The following GATB variants were observed in gnomAD, a reference collection of about 807,000 sequenced individuals.
GATB encodes the protein glutamyl-tRNA amidotransferase subunit B, also known as glutamyl-tRNA(Gln) amidotransferase subunit B, mitochondrial.
GATB carries 39 observed loss-of-function variants against 62.3 expected under a neutral mutation model. The ratio of observed to expected loss-of-function variants is 0.63; its 90% confidence interval spans 0.48 to 0.82. GATB has a LOEUF of 0.82. GATB is among the 40% of genes least tolerant of loss of function. The pLI is 0.00. For missense variants in GATB, 670 were observed against 684.0 expected (o/e 0.98, Z 0.23); for synonymous variants, 276 against 258.9 (o/e 1.07, Z -0.63).
chr4:151,760,966 A>C lies in GATB; in HGVS notation c.17T>G (p.Leu6Arg). Residue 6 changes from leucine (L) to arginine (R), a missense_variant, in exon 1 of 13, where the codon CTG becomes CGG. Coordinates refer to ENST00000263985, the MANE Select transcript of GATB (RefSeq NM_004564.3). The stretch of plus-strand genomic sequence containing the variant: ...ACGTCTTCCACGGCAGCCCCAGCGC[A>C]GCATGGGCGCCGCCATTGTAACTCC... Reference protein sequence around the residue: MAAPMLRWGCRGRRWA... With the variant: MAAPMRRWGCRGRRWA... 6.2e-7 allele frequency: 1 copy of C among 1,611,436 alleles called. No individual in the cohort carries two copies. The highest frequency in any genetic ancestry group is 1.1e-5 in the South Asian group (1 of 90,684).
intron 8 of GATB, among the ~76,000 whole-genome samples, chr4:151,702,510 A>G (rs1361682544): frequency 6.6e-6 from 1 of 152,162 alleles, no homozygotes; most frequent in African/African-American, 2.4e-5. Context: ...CTAGCCAATA[A>G]GGAAGTGTGA....
At chr4:151,739,858 A>G (rs1480729753) in intron 2 of GATB, among the ~76,000 whole-genome samples, 2 of 152,202 alleles carry the variant, frequency 1.3e-5, no homozygotes, top group African/African-American at 4.8e-5. Flanking sequence ...ATAGAAGCTT[A>G]TAGTATAAAT....
intron 10 of GATB, among the ~76,000 whole-genome samples, chr4:151,685,037 C>A (rs970753625): frequency 6.6e-6 from 1 of 152,190 alleles, no homozygotes; most frequent in South Asian, 2.1e-4. Context: ...CTAGGGCCTC[C>A]GTCACCTCGT....
intron 2 of GATB, among the ~76,000 whole-genome samples, chr4:151,731,736 G>C (rs1739256806): frequency 6.6e-6 from 1 of 151,614 alleles, no homozygotes; most frequent in Non-Finnish European, 1.5e-5. Flanking sequence ...TGCCCCGTCT[G>C]GGATGTGAGG....
chr4:151,671,000 G>T lies in GATB; in HGVS notation c.*174C>A. The T allele has an allele frequency of 1.4e-6, 1 of 738,200 alleles. No homozygotes were observed. Among genetic ancestry groups the T allele is most frequent in the Non-Finnish European group, 2.2e-6 (1 of 457,678 alleles). The allele number at this position is 738,200 out of a possible 1,614,324, so 45.7% of individuals were successfully genotyped here. ...CTGGTCGGCTGTGGAGGCACCTCCA[G>T]GCACAGGGCCTAGAGGGTGAGAACA... On this transcript the variant is annotated 3_prime_UTR_variant, in exon 13 of 13. Transcript: ENST00000263985.
intron 9 of GATB, among the ~76,000 whole-genome samples, chr4:151,693,498 C>T (rs1738409026): frequency 6.9e-6 from 1 of 144,926 alleles, no homozygotes; most frequent in Admixed American, 6.7e-5. Context: ...GCACAGGAAA[C>T]ACGACCCCCC....
chr4:151,704,760 T>C (rs1161244202), intron 7 of GATB, among the ~76,000 whole-genome samples: 3 of 147,156 alleles, frequency 2.0e-5, no homozygotes, highest in Non-Finnish European at 3.0e-5. Context: ...GCCTTCTTTT[T>C]TGTTTTTGAG....
intron 5 of GATB, among the ~76,000 whole-genome samples, chr4:151,712,062 C>T (rs1279708031): frequency 2.0e-5 from 3 of 152,184 alleles, no homozygotes; most frequent in African/African-American, 7.2e-5. Context: ...TTGGACCTCG[C>T]CTGCTTTTAA....
At chr4:151,744,533 T>C (rs1415561405) in intron 2 of GATB, among the ~76,000 whole-genome samples, 1 of 152,120 alleles carries the variant, frequency 6.6e-6, no homozygotes, top group African/African-American at 2.4e-5. Flanking sequence ...GAGGACTCCT[T>C]GAACCCAGGA....
At chr4:151,717,707 C>T (rs1444664522) in intron 3 of GATB, among the ~76,000 whole-genome samples, 1 of 152,172 alleles carries the variant, frequency 6.6e-6, no homozygotes, top group Non-Finnish European at 1.5e-5. Flanking sequence ...CTGCAAGGAT[C>T]CCTCACCTGC....
chr4:151,674,444 C>A (rs1157439949), intron 11 of GATB: 1 of 152,146 alleles, frequency 6.6e-6, no homozygotes, highest in Non-Finnish European at 1.5e-5. Flanking sequence ...TTTTAAAAAT[C>A]ATTTTCTAAT....
intron 9 of GATB, among the ~76,000 whole-genome samples, chr4:151,696,195 C>G (rs1000722793): frequency 6.6e-6 from 1 of 152,144 alleles, no homozygotes; most frequent in African/African-American, 2.4e-5. Context: ...TATTTTTTCA[C>G]TTGGAAAATA....
chr4:151,701,401 C>A lies in GATB; in HGVS notation c.1125G>T (p.Glu375Asp). ...NIDQIRETLP[E>D]LPSVTREKLV... is the part of the protein sequence containing the mutation. ...GCTTCTCTCGGGTCACACTGGGGAGCTCCGGGAGTGTCTCCCGAATCTGGT... is the reference window on the plus strand; with the variant it reads ...GCTTCTCTCGGGTCACACTGGGGAGATCCGGGAGTGTCTCCCGAATCTGGT... The change falls in exon 9 of 13, where the codon GAG becomes GAT. Residue 375 changes from glutamate to aspartate, a missense_variant. Coordinates refer to ENST00000263985, the MANE Select transcript of GATB (RefSeq NM_004564.3). 6.2e-7 allele frequency: 1 copy of A among 1,604,826 alleles called. No homozygotes were observed. The highest frequency in any genetic ancestry group is 8.5e-7 in the Non-Finnish European group (1 of 1,175,514).
At chr4:151,720,410 G>C (rs923103120) in intron 2 of GATB, 2 of 152,194 alleles carry the variant, frequency 1.3e-5, no homozygotes, top group African/African-American at 4.8e-5. Flanking sequence ...CTACTTTGCA[G>C]AACAGATAAA....
chr4:151,713,200 TC>T (rs897274381), intron 5 of GATB, among the ~76,000 whole-genome samples: 1 of 151,970 alleles, frequency 6.6e-6, no homozygotes, highest in Non-Finnish European at 1.5e-5. Context: ...AGCTGAGGGC[TC>T]CCAGTGATTC....
intron 6 of GATB, 25 bp downstream of exon 6, chr4:151,707,963 A>C: frequency 7.1e-7 from 1 of 1,414,960 alleles, no homozygotes; most frequent in Non-Finnish European, 1.0e-6. Context: ...GAAGAAGGAC[A>C]CTAGGAGCGG....
chr4:151,759,411 T>C (rs543588157), intron 1 of GATB, among the ~76,000 whole-genome samples: 2 of 152,300 alleles, frequency 1.3e-5, no homozygotes, highest in South Asian at 4.1e-4. Flanking sequence ...CGTCTCTTAT[T>C]TAAAAAGGAA....
intron 8 of GATB, among the ~76,000 whole-genome samples, chr4:151,702,686 T>G (rs115447310): frequency 2.5e-4 from 38 of 152,314 alleles, no homozygotes; most frequent in African/African-American, 7.0e-4. Context: ...ATTAATTTTT[T>G]TAAGTGTCAA....
intron 1 of GATB, 28 bp downstream of exon 1, chr4:151,760,779 G>A: frequency 1.3e-6 from 2 of 1,544,234 alleles, no homozygotes; most frequent in Non-Finnish European, 1.8e-6. Flanking sequence ...TCACAGTTAG[G>A]TGGGCAGAAA....
Sources: allele counts gnomAD v4.1 joint callset (sites outside exome capture counted in the v4.1 genomes callset), GRCh38; gene constraint gnomAD v4.1.1; transcripts MANE v1.5; gene names NCBI Gene and HGNC (gene_info 2026-07-23, HGNC 2026-07-21).